Variants in SLCO6A1 observed in about 807,000 individuals in gnomAD.
SLCO6A1 encodes solute carrier organic anion transporter family member 6A1.
A neutral mutation model predicts 72.7 loss-of-function variants in SLCO6A1; 65 were observed. That is an observed-to-expected ratio of 0.89 (90% CI 0.73 to 1.10). The LOEUF (loss-of-function observed/expected upper bound fraction) is 1.10. Ranked by LOEUF, SLCO6A1 falls within the 50% of genes least tolerant of loss-of-function variation. SLCO6A1 has a pLI of 0.00. For synonymous variants in SLCO6A1, 314 were observed against 298.2 expected (o/e 1.05, Z -0.55); for missense variants, 874 against 872.6 (o/e 1.00, Z -0.02).
intron 6 of SLCO6A1, among the ~76,000 whole-genome samples, chr5:102,449,964 C>A (rs116415600): frequency 6.6e-6 from 1 of 152,138 alleles, no homozygotes; most frequent in Non-Finnish European, 1.5e-5. Flanking sequence ...TCTTGTAGTG[C>A]GTTTTTCAGC....
chr5:102,483,563 T>C (rs1752312353), intron 1 of SLCO6A1, among the ~76,000 whole-genome samples: 1 of 152,212 alleles, frequency 6.6e-6, no homozygotes, highest in Non-Finnish European at 1.5e-5. Context: ...GTATATAGAA[T>C]ATTTTCTCAT....
chr5:102,382,420 T>C (rs1746159658), intron 12 of SLCO6A1, among the ~76,000 whole-genome samples: 1 of 151,754 alleles, frequency 6.6e-6, no homozygotes, highest in African/African-American at 2.4e-5. Flanking sequence ...AGGGTTACGC[T>C]TTCAGCTTTG....
chr5:102,454,118 C>A (rs143037158), intron 6 of SLCO6A1, among the ~76,000 whole-genome samples: 1 of 152,140 alleles, frequency 6.6e-6, no homozygotes, highest in African/African-American at 2.4e-5. Context: ...CTGGTAGCTA[C>A]GATGCTGGCC....
At position 102,498,868 on chromosome 5, in the gene SLCO6A1, C is replaced by A; in HGVS notation, c.-24G>T. On this transcript the variant is annotated 5_prime_UTR_variant, in exon 1 of 14. Coordinates refer to ENST00000506729, the MANE Select transcript of SLCO6A1 (RefSeq NM_173488.5). Reference sequence around the variant, plus strand: ...ATGGCTCACCCTGGGCGGCTCCTGGCGACGCGGCCCGAGTGCTCTCGGCTG... The same window carrying A: ...ATGGCTCACCCTGGGCGGCTCCTGGAGACGCGGCCCGAGTGCTCTCGGCTG... The A allele has an allele frequency of 1.3e-6, 2 of 1,577,312 alleles. No homozygotes were observed. Among genetic ancestry groups the A allele is most frequent in the Non-Finnish European group, 1.7e-6 (2 of 1,163,910 alleles).
chr5:102,489,140 T>C (rs1466066549), intron 1 of SLCO6A1, among the ~76,000 whole-genome samples: 1 of 152,200 alleles, frequency 6.6e-6, no homozygotes. Context: ...TCTGCAATAG[T>C]TCCCAAGAGC....
chr5:102,453,545 G>A (rs1750546109), intron 6 of SLCO6A1, among the ~76,000 whole-genome samples: 1 of 151,976 alleles, frequency 6.6e-6, no homozygotes, highest in Non-Finnish European at 1.5e-5. Context: ...TTGAAAATTG[G>A]ACACTTTAAA....
intron 12 of SLCO6A1, among the ~76,000 whole-genome samples, chr5:102,387,806 C>T (rs924089344): frequency 6.6e-6 from 1 of 152,090 alleles, no homozygotes; most frequent in African/African-American, 2.4e-5. Context: ...AACGTTTACT[C>T]TGATTAAGAC....
At chr5:102,421,279 A>T (rs1748588298) in intron 7 of SLCO6A1, among the ~76,000 whole-genome samples, 1 of 150,672 alleles carries the variant, frequency 6.6e-6, no homozygotes, top group Non-Finnish European at 1.5e-5. Context: ...AGAACTGTTC[A>T]CTCCCCTGGA....
chr5:102,477,962 T>C (rs575428473), intron 2 of SLCO6A1, 101 bp from the exon 3 acceptor site: 1 of 1,159,982 alleles, frequency 8.6e-7, no homozygotes, highest in African/African-American at 1.6e-5. Flanking sequence ...TTTCCAAAAT[T>C]ATGCTTTTTT....
chr5:102,445,923 C>G (rs534143503), intron 6 of SLCO6A1, among the ~76,000 whole-genome samples: 1 of 152,050 alleles, frequency 6.6e-6, no homozygotes, highest in African/African-American at 2.4e-5. Context: ...TTCCATTGGT[C>G]TCTGTGTCTG....
intron 12 of SLCO6A1, among the ~76,000 whole-genome samples, chr5:102,380,603 G>C (rs1441062037): frequency 6.6e-6 from 1 of 151,954 alleles, no homozygotes; most frequent in Admixed American, 6.6e-5. Context: ...CCATGCTCTA[G>C]AGTAGTGCTA....
intron 6 of SLCO6A1, among the ~76,000 whole-genome samples, chr5:102,448,017 A>T (rs1386943640): frequency 6.6e-6 from 1 of 152,154 alleles, no homozygotes; most frequent in Non-Finnish European, 1.5e-5. Flanking sequence ...TAGCACTATA[A>T]ACTTCCTTCT....
chr5:102,398,698 C>T (rs1005330648), intron 10 of SLCO6A1, among the ~76,000 whole-genome samples: 1 of 152,100 alleles, frequency 6.6e-6, no homozygotes, highest in Admixed American at 6.6e-5. Context: ...CCTTACCTAG[C>T]TCAAATCTCT....
At chr5:102,413,829 T>C (rs1210191666) in intron 8 of SLCO6A1, among the ~76,000 whole-genome samples, 1 of 152,166 alleles carries the variant, frequency 6.6e-6, no homozygotes, top group African/African-American at 2.4e-5. Context: ...TAGTTTCATA[T>C]TTTGGGTTTT....
At chr5:102,424,435 G>C (rs1028831083) in intron 7 of SLCO6A1, among the ~76,000 whole-genome samples, 4 of 152,104 alleles carry the variant, frequency 2.6e-5, no homozygotes, top group South Asian at 2.1e-4. Context: ...AATAATAAAA[G>C]GGTGTCACCA....
chr5:102,419,709 G>T, intron 8 of SLCO6A1, 117 bp downstream of exon 8: 1 of 817,944 alleles, frequency 1.2e-6, no homozygotes, highest in Non-Finnish European at 1.9e-6. Context: ...TTATGTGTTT[G>T]ATAATTCCAA....
chr5:102,380,834 A>T (rs1223772202), intron 12 of SLCO6A1, among the ~76,000 whole-genome samples: 1 of 151,962 alleles, frequency 6.6e-6, no homozygotes, highest in East Asian at 1.9e-4. Flanking sequence ...AGCTCCTCTA[A>T]CGTATTAAGA....
intron 7 of SLCO6A1, among the ~76,000 whole-genome samples, chr5:102,430,410 A>T (rs1229609070): frequency 1.3e-5 from 2 of 152,140 alleles, no homozygotes; most frequent in Non-Finnish European, 2.9e-5. Context: ...GCTTTTCCCC[A>T]TTCAGTATAA....
Position 102,390,980 on chromosome 5 carries a change from C to G in SLCO6A1, c.1879+1G>C, listed in dbSNP as rs181522070. On this transcript the variant is annotated splice_donor_variant, in intron 11 of 13. Transcript: ENST00000506729. LOFTEE classifies it high-confidence loss of function. The stretch of plus-strand genomic sequence containing the variant: ...AATAAGAGATTGCCAAAAATCCATA[C>G]CAAATATTCTCAAAATCACATAGCT... The G allele has an allele frequency of 1.9e-6, 3 of 1,613,274 alleles. No homozygotes were observed. Among genetic ancestry groups the G allele is most frequent in the Admixed American group, 3.3e-5 (2 of 59,970 alleles).
Sources: allele counts gnomAD v4.1 joint callset (sites outside exome capture counted in the v4.1 genomes callset), GRCh38; gene constraint gnomAD v4.1.1; transcripts MANE v1.5; gene names NCBI Gene and HGNC (gene_info 2026-07-23, HGNC 2026-07-21).